The following PLPBP variants were observed in gnomAD, a reference collection of about 807,000 sequenced individuals.
PLPBP encodes the protein pyridoxal phosphate homeostasis protein.
Under a neutral mutation model 31.2 loss-of-function variants are expected in PLPBP, and 21 were observed. The ratio of observed to expected loss-of-function variants is 0.67; its 90% confidence interval spans 0.48 to 0.97. The LOEUF (loss-of-function observed/expected upper bound fraction) is 0.97, where lower values mean the gene tolerates loss of function less well. PLPBP is among the 50% of genes least tolerant of loss of function. PLPBP has a pLI of 0.00. For missense variants in PLPBP, 308 were observed against 354.4 expected, an observed-to-expected ratio of 0.87 and a Z score of 1.05; for synonymous variants, 124 against 135.6, an observed-to-expected ratio of 0.91 and a Z score of 0.59.
chr8:37,773,254 G>A (rs779680185), intron 5 of PLPBP, among the ~76,000 whole-genome samples: 2 of 151,516 alleles, frequency 1.3e-5, no homozygotes, highest in Admixed American at 6.6e-5. Context: ...TGCAACCTCC[G>A]CCTCCCGGGT....
In PLPBP at chr8:37,762,690, C is replaced by G; in HGVS notation, c.31C>G (p.Leu11Val). 6.3e-7 allele frequency: 1 copy of G among 1,590,342 alleles called. No homozygotes were observed. Among genetic ancestry groups the G allele is most frequent in the Non-Finnish European group, 8.5e-7 (1 of 1,172,202 alleles). ...GAGAGCTGGCAGCATGTCGGCCGAG[C>G]TGGGAGTCGGGTGCGCATTGCGGGC... Reference protein sequence around the residue: MWRAGSMSAELGVGCALRAVN... With the variant: MWRAGSMSAEVGVGCALRAVN... The change falls in exon 1 of 8, where the codon CTG becomes GTG. Residue 11 changes from leucine to valine, a missense_variant. This residue lies in a region of PLPBP where 120 missense variants were observed against 95.1 expected (regional missense o/e 1.26). Transcript: ENST00000328195.
chr8:37,778,022 A>AGCG lies in PLPBP; in HGVS notation c.748_750dup (p.Arg250dup). On this transcript the variant is annotated inframe_insertion, in exon 8 of 8. Transcript: ENST00000328195. ...CGAATAGGAAGCACGATTTTTGGAG[A>AGCG]GCGGGATTACTCAAAGAAACCCACC... 1 of 1,613,784 alleles carries AGCG rather than the reference A, an allele frequency of 6.2e-7. No individual in the cohort carries two copies. Among genetic ancestry groups the AGCG allele is most frequent in the East Asian group, 2.2e-5 (1 of 44,866 alleles).
chr8:37,773,631 G>A (rs1801755292), intron 5 of PLPBP, among the ~76,000 whole-genome samples: 1 of 151,926 alleles, frequency 6.6e-6, no homozygotes, highest in Admixed American at 6.6e-5. Flanking sequence ...ACCACGCCCA[G>A]CTAATATTTG....
At chr8:37,768,052 G>A (rs1040348262) in intron 4 of PLPBP, among the ~76,000 whole-genome samples, 10 of 151,924 alleles carry the variant, frequency 6.6e-5, no homozygotes, top group African/African-American at 1.7e-4. Flanking sequence ...TGATCCACCC[G>A]CCTCAGCCTC....
Position 37,779,112 on chromosome 8 carries a change from T to C in PLPBP, c.*1008T>C, listed in dbSNP as rs1430552012. 1.3e-5 allele frequency: 2 copies of C among 152,156 alleles called. No homozygotes were observed. Among genetic ancestry groups the C allele is most frequent in the Non-Finnish European group, 2.9e-5 (2 of 68,036 alleles). The allele number at this position is 152,156 out of a possible 1,614,324, so 9.4% of individuals were successfully genotyped here. On this transcript the variant is annotated 3_prime_UTR_variant, in exon 8 of 8. Coordinates refer to ENST00000328195, the MANE Select transcript of PLPBP (RefSeq NM_007198.4). ...CTTGTGTCACTGCCACTCTGTTTTA[T>C]CCCTGAAATTAAAGGATAACATAAG...
At position 37,778,241 on chromosome 8, in the gene PLPBP, G is replaced by C; in HGVS notation, c.*137G>C. 2 of 1,106,754 alleles carry C rather than the reference G, an allele frequency of 1.8e-6. No individual in the cohort carries two copies. The allele number at this position is 1,106,754 out of a possible 1,614,324, so 68.6% of individuals were successfully genotyped here. ...TCACGTGTGTTGATGGAAACCATCT[G>C]TGCTTAGTCTCTGACATAGGAAGCT... On this transcript the variant is annotated 3_prime_UTR_variant, in exon 8 of 8. Coordinates refer to ENST00000328195, the MANE Select transcript of PLPBP (RefSeq NM_007198.4).
chr8:37,769,560 G>C (rs1803720347), intron 4 of PLPBP, among the ~76,000 whole-genome samples: 1 of 151,986 alleles, frequency 6.6e-6, no homozygotes, highest in African/African-American at 2.4e-5. Flanking sequence ...CAATTTATAA[G>C]GGGTAAAAAT....
chr8:37,778,059 C>T lies in PLPBP; in HGVS notation c.783C>T (p.Cys261=), dbSNP rs202115195. Reference sequence around the variant, plus strand: ...CAAAGAAACCCACCCCGGACAAGTGCGCAGCAGACGTGAAGGCCCCGCTGG... The same window carrying T: ...CAAAGAAACCCACCCCGGACAAGTGTGCAGCAGACGTGAAGGCCCCGCTGG... ...DYSKKPTPDK[C]AADVKAPLEV... The change falls in exon 8 of 8, where the codon TGC becomes TGT. Residue 261 remains cysteine, a synonymous_variant. Transcript: ENST00000328195. 169 of 1,613,752 alleles carry T rather than the reference C, an allele frequency of 1.0e-4. No individual in the cohort carries two copies. In the East Asian group the frequency reaches 2.5e-3, roughly 24 times the overall value.
At chr8:37,768,630 G>A (rs1230438052) in intron 4 of PLPBP, among the ~76,000 whole-genome samples, 1 of 151,776 alleles carries the variant, frequency 6.6e-6, no homozygotes, top group Middle Eastern at 3.4e-3. Context: ...CCACCACCAC[G>A]CCCAGCTAAT....
intron 1 of PLPBP, among the ~76,000 whole-genome samples, chr8:37,763,812 A>G (rs1361391049): frequency 2.0e-5 from 3 of 152,150 alleles, no homozygotes; most frequent in Non-Finnish European, 2.9e-5. Flanking sequence ...ACATTTTTCT[A>G]ATTGATCTGA....
intron 4 of PLPBP, among the ~76,000 whole-genome samples, chr8:37,772,168 T>A (rs1440860421): frequency 6.6e-6 from 1 of 152,208 alleles, no homozygotes; most frequent in Non-Finnish European, 1.5e-5. Flanking sequence ...TAATCTGTCC[T>A]GTGGATTGCT....
intron 6 of PLPBP, among the ~76,000 whole-genome samples, 193 bp from the exon 7 acceptor site, chr8:37,775,725 C>T (rs1803884463): frequency 6.6e-6 from 1 of 152,228 alleles, no homozygotes; most frequent in South Asian, 2.1e-4. Context: ...GAGATTTCTT[C>T]CTCTCCAGTG....
At chr8:37,775,160 C>T (rs1295461999) in intron 5 of PLPBP, 179 bp from the exon 6 acceptor site, 2 of 576,558 alleles carry the variant, frequency 3.5e-6, no homozygotes, top group Non-Finnish European at 5.8e-6. Flanking sequence ...AGAACCTGAC[C>T]AGAAGCAGAG....
At chr8:37,771,138 ATTTC>A (rs746242301) in intron 4 of PLPBP, among the ~76,000 whole-genome samples, 22 of 151,702 alleles carry the variant, frequency 1.5e-4, no homozygotes, top group Admixed American at 3.9e-4. Context: ...ATATATGTAT[ATTTC>A]TTTCTTTTTT....
At chr8:37,774,497 C>A (rs541884654) in intron 5 of PLPBP, among the ~76,000 whole-genome samples, 62 of 152,302 alleles carry the variant, frequency 4.1e-4, no homozygotes, top group African/African-American at 1.3e-3. Flanking sequence ...TAGCACAGAA[C>A]CCTACACATG....
At chr8:37,766,772 G>T in intron 4 of PLPBP, 5 of 556,224 alleles carry the variant, frequency 9.0e-6, no homozygotes, top group Non-Finnish European at 1.1e-5. Flanking sequence ...GGCCAGGCGC[G>T]GTGGCTGACA....
chr8:37,778,266 T>G lies in PLPBP; in HGVS notation c.*162T>G. Reference sequence around the variant, plus strand: ...GTGCTTAGTCTCTGACATAGGAAGCTTGCTTCAGGCAATGGCTTTGGATTG... The same window carrying G: ...GTGCTTAGTCTCTGACATAGGAAGCGTGCTTCAGGCAATGGCTTTGGATTG... On this transcript the variant is annotated 3_prime_UTR_variant, in exon 8 of 8. Transcript: ENST00000328195. 1.2e-6 allele frequency: 1 copy of G among 831,822 alleles called. No homozygotes were observed. The highest frequency in any genetic ancestry group is 2.1e-5 in the South Asian group (1 of 48,122). The allele number at this position is 831,822 out of a possible 1,614,324, so 51.5% of individuals were successfully genotyped here. A position where few individuals can be genotyped will look rare whatever the true frequency, so the allele number is the denominator to read the frequency against.
chr8:37,775,591 T>C, intron 6 of PLPBP, 110 bp downstream of exon 6: 2 of 1,469,426 alleles, frequency 1.4e-6, no homozygotes, highest in Non-Finnish European at 9.3e-7. Flanking sequence ...ACACTGCCTG[T>C]TGAGTGTTCT....
chr8:37,772,907 A>G lies in PLPBP; in HGVS notation c.454+18A>G, dbSNP rs761384580. ...AGAAGAGAGTAAGTAACCAGACCTG[A>G]ATTGTAGATTTTTCTTCCTTTAGGA... On this transcript the variant is annotated intron_variant, in intron 5 of 7. Coordinates refer to ENST00000328195, the MANE Select transcript of PLPBP (RefSeq NM_007198.4). 4 of 1,613,794 alleles carry G rather than the reference A, an allele frequency of 2.5e-6. No homozygotes were observed. The South Asian group carries it at 4.4e-5, about 18-fold the overall frequency.
Sources: allele counts gnomAD v4.1 joint callset (sites outside exome capture counted in the v4.1 genomes callset), GRCh38; gene constraint gnomAD v4.1.1; regional missense constraint gnomAD v4.1.1; transcripts MANE v1.5; gene names NCBI Gene and HGNC (gene_info 2026-07-23, HGNC 2026-07-21).